Variants in PLAC8 observed in about 807,000 individuals in gnomAD.
PLAC8 encodes the protein placenta associated 8, also known as placenta-specific gene 8 protein.
Under a neutral mutation model 12.6 loss-of-function variants are expected in PLAC8, and 6 were observed. That is an observed-to-expected ratio of 0.48 (90% confidence interval 0.26 to 0.94). The LOEUF (loss-of-function observed/expected upper bound fraction) is 0.94. PLAC8 is among the 40% of genes least tolerant of loss of function. The pLI, the probability that PLAC8 is intolerant of heterozygous loss-of-function variation, is 0.14. For synonymous variants in PLAC8, 54 were observed against 52.6 expected (o/e 1.03, Z -0.11); for missense variants, 122 against 152.7 (o/e 0.80, Z 1.06).
At chr4:83,107,154 C>T (rs1311074414) in intron 2 of PLAC8, among the ~76,000 whole-genome samples, 3 of 150,028 alleles carry the variant, frequency 2.0e-5, no homozygotes, top group Non-Finnish European at 2.9e-5. Flanking sequence ...GAGTGGAGAT[C>T]GTGCCATTGC....
At chr4:83,108,785 A>G (rs576527856) in intron 1 of PLAC8, among the ~76,000 whole-genome samples, 1 of 152,358 alleles carries the variant, frequency 6.6e-6, no homozygotes, top group South Asian at 2.1e-4. Context: ...TATAGAAAAT[A>G]GCATTCTCTA....
rs1301224381 is a variant in PLAC8 at position 83,090,583 on chromosome 4, AAAAG to A, written c.*394_*397del. The A allele has an allele frequency of 2.8e-4, 43 of 151,316 alleles. No homozygotes were observed. Among genetic ancestry groups the A allele is most frequent in the African/African-American group, 9.9e-4 (41 of 41,398 alleles). The allele number at this position is 151,316 out of a possible 1,614,324, so 9.4% of individuals were successfully genotyped here. On this transcript the variant is annotated 3_prime_UTR_variant, in exon 5 of 5. Transcript: ENST00000311507. ...CCCCCAACTCTATTAAAAAAAAAAA[AAAAG>A]AAAAAGGAAATCAAAGTATAAGAAC...
In PLAC8 at chr4:83,104,954, C is replaced by G. The variant is rs570810407; in HGVS notation, c.185G>C (p.Cys62Ser). The G allele has an allele frequency of 6.8e-6, 11 of 1,614,146 alleles. No individual in the cohort carries two copies. In the African/African-American group the frequency reaches 1.2e-4, roughly 18 times the overall value. ...CATTGCGACGCTTGTTCCACACAGA[C>G]AGCATTCATTCATATCAGCTGCAAC... ...CQVAADMNECCLCGTSVAMRT... is the reference protein window; with the variant it reads ...CQVAADMNECSLCGTSVAMRT... The change falls in exon 3 of 5, where the codon TGT becomes TCT. Residue 62 changes from cysteine (C) to serine (S), a missense_variant. Physicochemically the swap from Cys to Ser is moderately radical, Grantham distance 112. Transcript: ENST00000311507.
intron 3 of PLAC8, among the ~76,000 whole-genome samples, chr4:83,097,212 G>A (rs1578736260): frequency 1.3e-5 from 2 of 151,992 alleles, no homozygotes; most frequent in African/African-American, 4.8e-5. Flanking sequence ...TCTTCTGTCT[G>A]TCTCTATTTA....
At chr4:83,101,190 C>T (rs1732091707) in intron 3 of PLAC8, among the ~76,000 whole-genome samples, 1 of 152,130 alleles carries the variant, frequency 6.6e-6, no homozygotes, top group Admixed American at 6.5e-5. Flanking sequence ...CCATCCTGAC[C>T]AACATGGTGA....
chr4:83,092,096 G>T (rs182248988), intron 4 of PLAC8, among the ~76,000 whole-genome samples: 2 of 152,234 alleles, frequency 1.3e-5, no homozygotes, highest in East Asian at 3.9e-4. Context: ...TTTATTGCCA[G>T]TGAGTGATGT....
chr4:83,112,878 A>G (rs1328633990), intron 1 of PLAC8, among the ~76,000 whole-genome samples: 1 of 152,232 alleles, frequency 6.6e-6, no homozygotes, highest in Non-Finnish European at 1.5e-5. Flanking sequence ...AAGGTCAGCA[A>G]TAAGTGGAGA....
At position 83,107,876 on chromosome 4, in the gene PLAC8, C is replaced by T. The variant is rs1270164374; in HGVS notation, c.46G>A (p.Gly16Ser). ...PVVVVTQPGV[G>S]PGPAPQNSNW... ...GAGTTCTGGGGGGCCGGACCGGGACCGACTCCAGGTTGGGTCACAACGACC... is the reference window on the plus strand; with the variant it reads ...GAGTTCTGGGGGGCCGGACCGGGACTGACTCCAGGTTGGGTCACAACGACC... The change falls in exon 2 of 5, where the codon GGT (glycine) becomes AGT (serine). Residue 16 changes from glycine to serine, a missense_variant. Gly to Ser is a moderately conservative substitution (Grantham distance 56). Transcript: ENST00000311507. The T allele has an allele frequency of 4.4e-6, 7 of 1,597,598 alleles. No individual in the cohort carries two copies. Among genetic ancestry groups the T allele is most frequent in the Non-Finnish European group, 6.0e-6 (7 of 1,170,894 alleles).
At chr4:83,092,615 T>C (rs1170966635) in intron 4 of PLAC8, among the ~76,000 whole-genome samples, 1 of 151,998 alleles carries the variant, frequency 6.6e-6, no homozygotes, top group Non-Finnish European at 1.5e-5. Flanking sequence ...TCCTACCAAG[T>C]CATTAGCTTA....
intron 2 of PLAC8, among the ~76,000 whole-genome samples, 184 bp downstream of exon 2, chr4:83,107,620 C>CTTTTTTTT (rs70946974): frequency 0.018 from 251 of 13,856 alleles, 116 homozygotes; most frequent in Non-Finnish European, 0.038. Context: ...CATACGGAGG[C>CTTTTTTTT]TTTTTTTTTT....
intron 3 of PLAC8, among the ~76,000 whole-genome samples, chr4:83,101,435 GC>G: frequency 6.6e-6 from 1 of 152,300 alleles, no homozygotes; most frequent in East Asian, 1.9e-4. Flanking sequence ...AAAGTCTGAA[GC>G]TAAAAGAGGT....
At chr4:83,109,410 G>A (rs1732348294) in intron 1 of PLAC8, among the ~76,000 whole-genome samples, 1 of 152,146 alleles carries the variant, frequency 6.6e-6, no homozygotes, top group Admixed American at 6.5e-5. Flanking sequence ...ACCCATCTGT[G>A]GATCCCACAG....
At chr4:83,110,623 G>A (rs1328508544) in intron 1 of PLAC8, among the ~76,000 whole-genome samples, 3 of 152,220 alleles carry the variant, frequency 2.0e-5, no homozygotes, top group Non-Finnish European at 4.4e-5. Context: ...GAGGCCATGC[G>A]TGATGCAGGC....
intron 4 of PLAC8, among the ~76,000 whole-genome samples, chr4:83,091,590 G>A (rs1040363688): frequency 3.3e-5 from 5 of 152,222 alleles, no homozygotes; most frequent in African/African-American, 1.2e-4. Flanking sequence ...CCATTGTGGA[G>A]TTACTCCATA....
Position 83,104,967 on chromosome 4 carries a change from T to G in PLAC8, c.172A>C (p.Met58Leu). The G allele has an allele frequency of 2.5e-6, 4 of 1,614,154 alleles. No homozygotes were observed. The highest frequency in any genetic ancestry group is 3.4e-6 in the Non-Finnish European group (4 of 1,180,002). Residue 58 changes from methionine (M) to leucine (L), a missense_variant, in exon 3 of 5, where the codon ATG becomes CTG. Coordinates refer to ENST00000311507, the MANE Select transcript of PLAC8 (RefSeq NM_016619.3). ...PCLGCQVAAD[M>L]NECCLCGTSV... ...GTTCCACACAGACAGCATTCATTCA[T>G]ATCAGCTGCAACTTGACACCCAAGG... is the stretch of plus-strand genomic sequence containing the variant.
intron 3 of PLAC8, among the ~76,000 whole-genome samples, chr4:83,101,509 A>G (rs1732101603): frequency 6.6e-6 from 1 of 152,258 alleles, no homozygotes; most frequent in Non-Finnish European, 1.5e-5. Flanking sequence ...GCGAAGCAGC[A>G]AGTGCTGATG....
At chr4:83,103,406 A>G (rs1444577364) in intron 3 of PLAC8, among the ~76,000 whole-genome samples, 1 of 152,126 alleles carries the variant, frequency 6.6e-6, no homozygotes, top group Non-Finnish European at 1.5e-5. Context: ...CAAAGAAAGA[A>G]AGAAAGAAAG....
chr4:83,103,396 C>G (rs1732156478), intron 3 of PLAC8, among the ~76,000 whole-genome samples: 1 of 151,592 alleles, frequency 6.6e-6, no homozygotes, highest in South Asian at 2.1e-4. Flanking sequence ...TCCATCTCAA[C>G]AAAGAAAGAA....
At chr4:83,103,953 C>A (rs760492257) in intron 3 of PLAC8, among the ~76,000 whole-genome samples, 1 of 152,188 alleles carries the variant, frequency 6.6e-6, no homozygotes, top group African/African-American at 2.4e-5. Flanking sequence ...TAGGTGTGAG[C>A]CACCACGCCC....
Sources: allele counts gnomAD v4.1 joint callset (sites outside exome capture counted in the v4.1 genomes callset), GRCh38; gene constraint gnomAD v4.1.1; transcripts MANE v1.5; gene names NCBI Gene and HGNC (gene_info 2026-07-23, HGNC 2026-07-21).